SAMTOR: variants seen among roughly 807,000 people sequenced by gnomAD.
SAMTOR encodes UPF0532 protein C7orf60.
the SAMTOR span, among the ~76,000 whole-genome samples, chr7:112,866,644 C>T: frequency 1.3e-5 from 2 of 152,204 alleles, no homozygotes; most frequent in East Asian, 3.9e-4. Context: ...AAGAAGAGGG[C>T]TCTTCTACAG....
chr7:112,904,739 G>A, the SAMTOR span, among the ~76,000 whole-genome samples: 27 of 151,872 alleles, frequency 1.8e-4, no homozygotes, highest in African/African-American at 5.3e-4. Flanking sequence ...AACTTGACTC[G>A]GTAGAAATAA....
At chr7:112,918,228 A>G in the SAMTOR span, among the ~76,000 whole-genome samples, 7 of 152,256 alleles carry the variant, frequency 4.6e-5, no homozygotes, top group Non-Finnish European at 1.5e-5. Flanking sequence ...AGGGAAGCCC[A>G]TCAGACTAAC....
chr7:112,843,189 A>G, the SAMTOR span, among the ~76,000 whole-genome samples: 1 of 152,028 alleles, frequency 6.6e-6, no homozygotes. Context: ...AACCCCTTTA[A>G]GCAGTCTAAA....
At chr7:112,903,702 C>G in the SAMTOR span, among the ~76,000 whole-genome samples, 2 of 152,062 alleles carry the variant, frequency 1.3e-5, no homozygotes, top group African/African-American at 2.4e-5. Context: ...GAAAGAGGAA[C>G]AAGATACAAA....
chr7:112,904,859 G>GT, the SAMTOR span, among the ~76,000 whole-genome samples: 2 of 152,108 alleles, frequency 1.3e-5, no homozygotes, highest in African/African-American at 4.8e-5. Context: ...TATTAATCAT[G>GT]TTTTTTACTT....
At chr7:112,874,728 G>A in the SAMTOR span, among the ~76,000 whole-genome samples, 3,400 of 151,976 alleles carry the variant, frequency 0.022, 63 homozygotes, top group Admixed American at 0.042. Context: ...TCTTAATCTT[G>A]ATGTTTAAAA....
chr7:112,887,213 G>A, the SAMTOR span, among the ~76,000 whole-genome samples: 19 of 150,784 alleles, frequency 1.3e-4, no homozygotes, highest in Admixed American at 2.7e-4. Flanking sequence ...CATATTATTC[G>A]TTTTTAAAAA....
the SAMTOR span, among the ~76,000 whole-genome samples, chr7:112,864,044 A>G: frequency 2.0e-5 from 3 of 152,256 alleles, no homozygotes; most frequent in Admixed American, 6.5e-5. Flanking sequence ...TGTGGTACAT[A>G]TACACCACGG....
the SAMTOR span, among the ~76,000 whole-genome samples, chr7:112,938,813 CTA>C: frequency 6.6e-6 from 1 of 152,204 alleles, no homozygotes; most frequent in African/African-American, 2.4e-5. Flanking sequence ...GCTTCTTCCC[CTA>C]TGAGCTTCCA....
the SAMTOR span, among the ~76,000 whole-genome samples, chr7:112,902,864 A>G: frequency 6.6e-6 from 1 of 152,246 alleles, no homozygotes; most frequent in Non-Finnish European, 1.5e-5. Flanking sequence ...ACCTTGGGAT[A>G]AATATATCAT....
the SAMTOR span, among the ~76,000 whole-genome samples, chr7:112,909,662 T>C: frequency 6.6e-6 from 1 of 152,116 alleles, no homozygotes; most frequent in African/African-American, 2.4e-5. Context: ...TTTTAAATCA[T>C]TTTATGTAAA....
the SAMTOR span, chr7:112,895,822 A>G: frequency 5.6e-6 from 5 of 890,212 alleles, no homozygotes; most frequent in Non-Finnish European, 7.8e-6. Context: ...TTATTAATCA[A>G]GATGGGAAAC....
the SAMTOR span, among the ~76,000 whole-genome samples, chr7:112,909,246 C>T: frequency 6.6e-6 from 1 of 152,168 alleles, no homozygotes; most frequent in Non-Finnish European, 1.5e-5. Context: ...AAAGCCTGCA[C>T]TGCTTGATAC....
At chr7:112,915,163 G>A in the SAMTOR span, 13 of 625,058 alleles carry the variant, frequency 2.1e-5, no homozygotes, top group Admixed American at 3.6e-5. Flanking sequence ...GATTGAACCC[G>A]GGAGGTGGAG....
At chr7:112,820,057 A>G in the SAMTOR span, 1 of 152,532 alleles carries the variant, frequency 6.6e-6, no homozygotes, top group Non-Finnish European at 1.5e-5. Context: ...TGCTGTTGAA[A>G]GTAAATGAAA....
At chr7:112,846,050 A>G in the SAMTOR span, among the ~76,000 whole-genome samples, 6 of 151,830 alleles carry the variant, frequency 4.0e-5, no homozygotes, top group East Asian at 1.2e-3. Context: ...ACTGGGGCCT[A>G]CTTTAAGGGC....
chr7:112,868,022 T>TTATGAGAATCTAATGCCTGA, the SAMTOR span, among the ~76,000 whole-genome samples: 6 of 152,196 alleles, frequency 3.9e-5, no homozygotes, highest in African/African-American at 9.6e-5. Flanking sequence ...GGAGTGCTCC[T>TTATGAGAATCTAATGCCTGA]TATGAGAATC....
the SAMTOR span, among the ~76,000 whole-genome samples, chr7:112,917,222 C>T: frequency 6.6e-6 from 1 of 152,176 alleles, no homozygotes; most frequent in Non-Finnish European, 1.5e-5. Context: ...CAGACTGACA[C>T]CTCACACGGC....
the SAMTOR span, among the ~76,000 whole-genome samples, chr7:112,900,060 G>A: frequency 6.6e-6 from 1 of 151,950 alleles, no homozygotes; most frequent in Non-Finnish European, 1.5e-5. Flanking sequence ...TAATTGTAGT[G>A]CATAAACTAT....
Sources: gnomAD v4.1 joint callset for allele counts (sites outside exome capture counted in the v4.1 genomes callset) on GRCh38, gnomAD v4.1.1 for gene constraint, MANE v1.5 for transcripts, NCBI Gene and HGNC (gene_info 2026-07-23, HGNC 2026-07-21) for gene names.